Variants in VTA1 observed in about 807,000 individuals in gnomAD.
The protein encoded by VTA1 is vesicle trafficking 1.
A neutral mutation model predicts 36.9 loss-of-function variants in VTA1; 24 were observed. That is an observed-to-expected ratio of 0.65 (90% CI 0.47 to 0.91). The LOEUF is 0.91. VTA1 is among the 40% of genes least tolerant of loss of function. VTA1 has a pLI of 0.00. For missense variants in VTA1, 393 were observed against 377.2 expected (o/e 1.04, Z -0.35); for synonymous variants, 142 against 130.2 (o/e 1.09, Z -0.62).
intron 1 of VTA1, among the ~76,000 whole-genome samples, chr6:142,149,810 G>A (rs892459991): frequency 6.6e-6 from 1 of 152,228 alleles, no homozygotes; most frequent in East Asian, 1.9e-4. Flanking sequence ...TACATCTGTA[G>A]ATGGGTGTTT....
intron 4 of VTA1, among the ~76,000 whole-genome samples, chr6:142,181,741 T>A (rs1186916959): frequency 2.0e-5 from 3 of 152,132 alleles, no homozygotes; most frequent in African/African-American, 4.8e-5. Context: ...TGTTATGATA[T>A]TTTAAAAATA....
intron 6 of VTA1, among the ~76,000 whole-genome samples, chr6:142,200,383 G>A (rs555161978): frequency 5.9e-5 from 9 of 151,926 alleles, no homozygotes; most frequent in Admixed American, 3.9e-4. Flanking sequence ...ATTATTATGC[G>A]AATCAAGAGA....
At chr6:142,215,873 C>G (rs1775995588) in intron 7 of VTA1, among the ~76,000 whole-genome samples, 1 of 152,166 alleles carries the variant, frequency 6.6e-6, no homozygotes. Flanking sequence ...CTGACCCAGG[C>G]TCTCTTTGCC....
rs1375281780 is a variant in VTA1 at position 142,224,293 on chromosome 6, A to AC, written c.*5654dup. ...CCCATGGAATTGTTTTGTCTTTTCG[A>AC]CCCCTCGGCTATGTTATTTGTATTG... On this transcript the variant is annotated 3_prime_UTR_variant, in exon 8 of 8. Coordinates refer to ENST00000367630, the MANE Select transcript of VTA1 (RefSeq NM_016485.5). 5.9e-5 allele frequency: 9 copies of AC among 151,528 alleles called. No homozygotes were observed. Among genetic ancestry groups the AC allele is most frequent in the African/African-American group, 2.2e-4 (9 of 41,200 alleles). The allele number at this position is 151,528 out of a possible 1,614,324, so 9.4% of individuals were successfully genotyped here.
intron 4 of VTA1, among the ~76,000 whole-genome samples, chr6:142,184,685 A>G (rs1775307448): frequency 6.6e-6 from 1 of 152,160 alleles, no homozygotes; most frequent in African/African-American, 2.4e-5. Context: ...TAAGACAGGA[A>G]TCCAATCTTG....
intron 4 of VTA1, among the ~76,000 whole-genome samples, chr6:142,175,896 T>C (rs1423215045): frequency 6.6e-6 from 1 of 152,172 alleles, no homozygotes; most frequent in Admixed American, 6.5e-5. Flanking sequence ...CTATTCTATT[T>C]CTCAGTTATC....
At chr6:142,183,911 C>G (rs1775293373) in intron 4 of VTA1, among the ~76,000 whole-genome samples, 1 of 152,138 alleles carries the variant, frequency 6.6e-6, no homozygotes, top group Non-Finnish European at 1.5e-5. Context: ...ATTTCACATA[C>G]TAATGCAGAA....
At chr6:142,157,541 C>T (rs1363730562) in intron 1 of VTA1, among the ~76,000 whole-genome samples, 1 of 152,046 alleles carries the variant, frequency 6.6e-6, no homozygotes, top group African/African-American at 2.4e-5. Flanking sequence ...ACTCATTTTA[C>T]ATCTCTTTAG....
chr6:142,160,361 T>C (rs889797918), intron 1 of VTA1, among the ~76,000 whole-genome samples: 2 of 152,192 alleles, frequency 1.3e-5, no homozygotes, highest in South Asian at 2.1e-4. Context: ...ATTCAACTTA[T>C]TGAACAGGTT....
At chr6:142,157,812 G>A (rs1778691424) in intron 1 of VTA1, among the ~76,000 whole-genome samples, 1 of 147,060 alleles carries the variant, frequency 6.8e-6, no homozygotes. Flanking sequence ...CATTTTTTAT[G>A]TTTTTTTATA....
At chr6:142,172,963 T>C (rs1193729882) in intron 4 of VTA1, among the ~76,000 whole-genome samples, 2 of 149,488 alleles carry the variant, frequency 1.3e-5, no homozygotes, top group African/African-American at 2.5e-5. Context: ...ACAAAACCAT[T>C]TGACAAAAAA....
chr6:142,170,278 G>A, intron 3 of VTA1, 68 bp from the exon 4 acceptor site: 2 of 1,202,814 alleles, frequency 1.7e-6, no homozygotes, highest in East Asian at 2.4e-5. Context: ...TTTTCTTATA[G>A]CTAAATGACA....
intron 4 of VTA1, among the ~76,000 whole-genome samples, chr6:142,180,781 C>T (rs1427181773): frequency 6.6e-6 from 1 of 151,946 alleles, no homozygotes; most frequent in Non-Finnish European, 1.5e-5. Flanking sequence ...AAACGTATAA[C>T]CCGAACGTAA....
chr6:142,168,201 A>G (rs1774958348), intron 2 of VTA1, among the ~76,000 whole-genome samples: 1 of 152,222 alleles, frequency 6.6e-6, no homozygotes. Flanking sequence ...ATTGTTCTAC[A>G]ATGAAATCTG....
chr6:142,186,720 C>T (rs544751289), intron 4 of VTA1, among the ~76,000 whole-genome samples: 1 of 151,926 alleles, frequency 6.6e-6, no homozygotes, highest in Admixed American at 6.5e-5. Context: ...GGTGATGTCA[C>T]ATAGTCGGGT....
intron 5 of VTA1, among the ~76,000 whole-genome samples, chr6:142,196,716 GT>G (rs1562266321): frequency 6.6e-6 from 1 of 151,862 alleles, no homozygotes; most frequent in Non-Finnish European, 1.5e-5. Context: ...TCATTTTGAG[GT>G]CTTTTTTGTA....
chr6:142,147,436 A>G (rs1377371298), intron 1 of VTA1, 37 bp downstream of exon 1: 1 of 1,594,616 alleles, frequency 6.3e-7, no homozygotes, highest in Non-Finnish European at 8.6e-7. Context: ...TTTCTTTCCC[A>G]GTTGCATTTT....
chr6:142,147,661 T>G (rs564123592), intron 1 of VTA1, among the ~76,000 whole-genome samples: 1 of 152,338 alleles, frequency 6.6e-6, no homozygotes, highest in South Asian at 2.1e-4. Flanking sequence ...GAATATAATC[T>G]TCCAAGGTTT....
chr6:142,183,329 G>T (rs570597837), intron 4 of VTA1, among the ~76,000 whole-genome samples: 14 of 152,176 alleles, frequency 9.2e-5, no homozygotes, highest in Admixed American at 7.2e-4. Context: ...GTATGCTAAT[G>T]GAGAATAATT....
Sources: allele counts gnomAD v4.1 joint callset (sites outside exome capture counted in the v4.1 genomes callset), GRCh38; gene constraint gnomAD v4.1.1; transcripts MANE v1.5; gene names NCBI Gene and HGNC (gene_info 2026-07-23, HGNC 2026-07-21).